The following DLC1 variants were observed in gnomAD, a reference collection of about 807,000 sequenced individuals.
The protein encoded by DLC1 is DLC1 Rho GTPase activating protein, also known as rho GTPase-activating protein 7.
A neutral mutation model predicts 140.3 loss-of-function variants in DLC1; 54 were observed. The ratio of observed to expected loss-of-function variants is 0.38; its 90% CI spans 0.31 to 0.48. The LOEUF (loss-of-function observed/expected upper bound fraction) is 0.48. DLC1 is among the 20% of genes least tolerant of loss of function. The pLI is 0.96. For synonymous variants in DLC1, 986 were observed against 728.1 expected (o/e 1.35, Z -5.70); for missense variants, 2,536 against 1,907.0 (o/e 1.33, Z -6.14).
At chr8:13,187,846 C>T (rs55896797) in intron 5 of DLC1, among the ~76,000 whole-genome samples, 21,898 of 152,156 alleles carry the variant, frequency 0.14, 1,700 homozygotes, top group South Asian at 0.21. Flanking sequence ...AGGGATTCCT[C>T]GGCTCCCCAA....
At chr8:13,435,178 C>T (rs758735932) in intron 2 of DLC1, among the ~76,000 whole-genome samples, 2 of 152,126 alleles carry the variant, frequency 1.3e-5, no homozygotes, top group Non-Finnish European at 2.9e-5. Context: ...AATTTGATTC[C>T]AATCCTCATG....
At chr8:13,506,577 G>GTC (rs1232557674) in intron 1 of DLC1, among the ~76,000 whole-genome samples, 3,803 of 16,506 alleles carry the variant, frequency 0.23, 245 homozygotes, top group African/African-American at 0.31. Flanking sequence ...ATGTGTGTGT[G>GTC]TGTGTATATA....
At chr8:13,298,339 C>G (rs1832045484) in intron 5 of DLC1, among the ~76,000 whole-genome samples, 1 of 152,154 alleles carries the variant, frequency 6.6e-6, no homozygotes, top group South Asian at 2.1e-4. Flanking sequence ...ACCATTAATT[C>G]ATGACCTGGC....
At position 13,458,322 on chromosome 8, in the gene DLC1, A is replaced by C. The variant is rs1268861005; in HGVS notation, c.1023+40727T>G. On this transcript the variant is annotated intron_variant, in intron 2 of 17. Coordinates refer to ENST00000276297, the MANE Select transcript of DLC1 (RefSeq NM_182643.3). ...GAAACTTTAACCTTGCTCCATAAAT[A>C]AGAGCACAAAAAATGAGGTGACTTT... 2.0e-5 allele frequency among the ~76,000 whole-genome samples: 3 copies of C among 152,354 alleles called. No homozygotes were observed. The East Asian group carries it at 5.8e-4, about 29-fold the overall frequency.
intron 2 of DLC1, among the ~76,000 whole-genome samples, chr8:13,403,665 T>C (rs1239655784): frequency 6.6e-6 from 1 of 152,140 alleles, no homozygotes; most frequent in Non-Finnish European, 1.5e-5. Context: ...CAACAAGGTC[T>C]CACTCTGTTG....
Position 13,110,760 on chromosome 8 carries a change from G to C in DLC1, c.1484C>G (p.Ala495Gly). Residue 495 changes from alanine (A) to glycine (G), a missense_variant, in exon 7 of 18, where the codon GCC becomes GGC. Transcript: ENST00000276297. ...CATTTACCTGCATAGAGCCTCAATG[G>C]CATCTCTGTCCAAAAAATCATGCTC... is the stretch of plus-strand genomic sequence containing the variant. ...KREHDFLDRD[A>G]IEALCRRLNT... 6.2e-7 allele frequency: 1 copy of C among 1,613,920 alleles called. No homozygotes were observed. Among genetic ancestry groups the C allele is most frequent in the Non-Finnish European group, 8.5e-7 (1 of 1,179,948 alleles).
chr8:13,328,969 A>C (rs1159323135), intron 4 of DLC1, among the ~76,000 whole-genome samples: 1 of 152,150 alleles, frequency 6.6e-6, no homozygotes, highest in African/African-American at 2.4e-5. Flanking sequence ...TGGAAATGTG[A>C]AGGGGATGGG....
At chr8:13,364,775 C>T (rs1835402790) in intron 4 of DLC1, among the ~76,000 whole-genome samples, 1 of 152,194 alleles carries the variant, frequency 6.6e-6, no homozygotes, top group Non-Finnish European at 1.5e-5. Context: ...CAAAACCAAA[C>T]TTTTCCCCTA....
intron 4 of DLC1, 139 bp from the exon 5 acceptor site, chr8:13,305,441 T>C: frequency 1.3e-6 from 1 of 784,360 alleles, no homozygotes; most frequent in Admixed American, 2.9e-5. Flanking sequence ...TTTGGAACTA[T>C]CAGTAAAATC....
rs1404554399 is a variant in DLC1, at chr8:13,553,098, C to G, written c.-126+51439G>C. ...GTTATCAACACACAGAGACTGCAAA[C>G]ACACCTAAACCTTGACAGCATTGGT... On this transcript the variant is annotated intron_variant, in intron 1 of 1. Coordinates refer to the DLC1 transcript ENST00000631382. 3.3e-5 allele frequency among the ~76,000 whole-genome samples: 5 copies of G among 150,486 alleles called. No individual in the cohort carries two copies. The East Asian group carries it at 5.9e-4, about 18-fold the overall frequency.
intron 1 of DLC1, among the ~76,000 whole-genome samples, chr8:13,539,390 C>T (rs962938805): frequency 6.6e-6 from 1 of 152,014 alleles, no homozygotes; most frequent in Non-Finnish European, 1.5e-5. Flanking sequence ...TTGGTAGAGA[C>T]GGGGTTTCAT....
intron 4 of DLC1, among the ~76,000 whole-genome samples, chr8:13,378,858 C>G (rs571480807): frequency 3.3e-5 from 5 of 152,198 alleles, no homozygotes; most frequent in Admixed American, 6.6e-5. Flanking sequence ...ACGAATAATC[C>G]ACTCTGACAA....
At chr8:13,344,876 C>G (rs1177156819) in intron 4 of DLC1, among the ~76,000 whole-genome samples, 1 of 152,100 alleles carries the variant, frequency 6.6e-6, no homozygotes, top group Non-Finnish European at 1.5e-5. Context: ...AAAACAAAAA[C>G]TAATTGTGTG....
intron 2 of DLC1, among the ~76,000 whole-genome samples, chr8:13,423,127 A>AT (rs767641856): frequency 2.6e-5 from 4 of 152,050 alleles, no homozygotes; most frequent in Non-Finnish European, 4.4e-5. Context: ...AATTGAATTG[A>AT]TTTTTGCAGG....
chr8:13,236,731 T>A (rs552921468), intron 5 of DLC1, among the ~76,000 whole-genome samples: 7 of 152,234 alleles, frequency 4.6e-5, no homozygotes, highest in Admixed American at 2.0e-4. Flanking sequence ...TACGTAATGA[T>A]TCCAACTTTT....
At chr8:13,490,799 A>G (rs1801199436) in intron 2 of DLC1, among the ~76,000 whole-genome samples, 1 of 151,992 alleles carries the variant, frequency 6.6e-6, no homozygotes, top group Non-Finnish European at 1.5e-5. Flanking sequence ...ATAAAAGCTG[A>G]TGTTGGGTTA....
intron 2 of DLC1, among the ~76,000 whole-genome samples, chr8:13,493,033 C>T (rs770252479): frequency 6.6e-6 from 1 of 152,174 alleles, no homozygotes. Flanking sequence ...AGAACTGTCA[C>T]AGGAACTTGT....
chr8:13,458,955 T>C (rs189172894), intron 2 of DLC1, among the ~76,000 whole-genome samples: 4 of 142,744 alleles, frequency 2.8e-5, no homozygotes, highest in East Asian at 1.9e-4. Flanking sequence ...ATAAACAGCA[T>C]TTTTTGTAGA....
chr8:13,334,231 T>G (rs1833725422), intron 4 of DLC1, among the ~76,000 whole-genome samples: 5 of 149,534 alleles, frequency 3.3e-5, no homozygotes, highest in Admixed American at 6.7e-5. Flanking sequence ...CAGGGGGGAG[T>G]TGCAGATGCG....
Sources: gnomAD v4.1 joint callset for allele counts (sites outside exome capture counted in the v4.1 genomes callset) on GRCh38, gnomAD v4.1.1 for gene constraint, MANE v1.5 for transcripts, NCBI Gene and HGNC (gene_info 2026-07-23, HGNC 2026-07-21) for gene names.